The following GPATCH2 variants were observed in gnomAD, a reference collection of about 807,000 sequenced individuals.
GPATCH2 encodes the protein G patch domain-containing protein 2.
In GPATCH2, 51 loss-of-function variants were observed where a neutral mutation model predicts 58.0. The observed-to-expected ratio is 0.88, with a 90% CI of 0.70 to 1.11. The LOEUF (loss-of-function observed/expected upper bound fraction) is 1.11, where lower values mean the gene tolerates loss of function less well. GPATCH2 is among the 50% of genes most tolerant of loss of function. GPATCH2 has a pLI of 0.00. For synonymous variants in GPATCH2, 222 were observed against 218.5 expected (o/e 1.02, Z -0.14); for missense variants, 625 against 652.2 (o/e 0.96, Z 0.45).
chr1:217,507,427 G>C (rs994960154), intron 6 of GPATCH2, among the ~76,000 whole-genome samples: 2 of 152,160 alleles, frequency 1.3e-5, no homozygotes, highest in African/African-American at 4.8e-5. Flanking sequence ...AGTTCAGCCT[G>C]ATGTGGTTAC....
chr1:217,557,409 C>CAA (rs772777496), intron 5 of GPATCH2, among the ~76,000 whole-genome samples: 31 of 61,900 alleles, frequency 5.0e-4, no homozygotes, highest in Admixed American at 7.2e-4. Flanking sequence ...AACCCCATCT[C>CAA]AAAAAAAAAA....
chr1:217,609,381 T>C, intron 5 of GPATCH2: 1 of 983,754 alleles, frequency 1.0e-6, no homozygotes, highest in East Asian at 1.1e-4. Context: ...CATTAAGCTC[T>C]AAACCAAAAT....
chr1:217,610,755 A>T, intron 4 of GPATCH2, 134 bp downstream of exon 4: 1 of 612,776 alleles, frequency 1.6e-6, no homozygotes, highest in Non-Finnish European at 2.8e-6. Context: ...TAGCTATATT[A>T]GTGGCCAATA....
intron 7 of GPATCH2, among the ~76,000 whole-genome samples, chr1:217,492,290 T>G (rs543608481): frequency 2.0e-5 from 3 of 152,310 alleles, no homozygotes; most frequent in African/African-American, 7.2e-5. Context: ...TCAAAGAAAT[T>G]ATTGGCTTGG....
intron 6 of GPATCH2, among the ~76,000 whole-genome samples, chr1:217,504,534 G>C (rs907229362): frequency 9.2e-5 from 14 of 152,256 alleles, no homozygotes; most frequent in Admixed American, 7.9e-4. Flanking sequence ...TGCAGTAAAA[G>C]CACTATCACC....
At chr1:217,575,039 C>A (rs1361705897) in intron 5 of GPATCH2, among the ~76,000 whole-genome samples, 1 of 151,974 alleles carries the variant, frequency 6.6e-6, no homozygotes, top group Non-Finnish European at 1.5e-5. Context: ...TGATTTAGGT[C>A]TATGGCAACC....
At chr1:217,450,133 T>A (rs914088799) in intron 8 of GPATCH2, among the ~76,000 whole-genome samples, 1 of 152,138 alleles carries the variant, frequency 6.6e-6, no homozygotes, top group Non-Finnish European at 1.5e-5. Flanking sequence ...GTCTTCAAAC[T>A]TTTCAAGCTA....
chr1:217,557,835 G>T (rs955407322), intron 5 of GPATCH2, among the ~76,000 whole-genome samples: 3 of 152,116 alleles, frequency 2.0e-5, no homozygotes, highest in African/African-American at 7.2e-5. Context: ...TTCATAAGAT[G>T]AAATTTTGAA....
intron 9 of GPATCH2, among the ~76,000 whole-genome samples, chr1:217,432,716 A>G (rs1205388150): frequency 3.9e-5 from 6 of 152,246 alleles, no homozygotes; most frequent in African/African-American, 1.4e-4. Context: ...AAGAAAGTGA[A>G]TAACAGACAA....
intron 8 of GPATCH2, among the ~76,000 whole-genome samples, chr1:217,475,205 G>A (rs1660915199): frequency 6.6e-6 from 1 of 152,166 alleles, no homozygotes; most frequent in African/African-American, 2.4e-5. Context: ...TTGGGACTCC[G>A]AGGTGGGTGG....
chr1:217,575,033 T>G (rs1666742672), intron 5 of GPATCH2, among the ~76,000 whole-genome samples: 1 of 152,148 alleles, frequency 6.6e-6, no homozygotes, highest in African/African-American at 2.4e-5. Context: ...GAGAAGTGAT[T>G]TAGGTCTATG....
intron 9 of GPATCH2, among the ~76,000 whole-genome samples, chr1:217,446,522 G>A (rs1659393327): frequency 6.6e-6 from 1 of 152,062 alleles, no homozygotes; most frequent in African/African-American, 2.4e-5. Flanking sequence ...ATTTAAAACT[G>A]AGGACTTTAA....
chr1:217,627,656 C>G (rs1326183567), intron 1 of GPATCH2, among the ~76,000 whole-genome samples: 7 of 151,956 alleles, frequency 4.6e-5, no homozygotes, highest in Admixed American at 2.0e-4. Context: ...TAGGAACTTT[C>G]AGGAAGTTTT....
intron 5 of GPATCH2, among the ~76,000 whole-genome samples, chr1:217,573,798 T>C (rs1254173153): frequency 6.6e-6 from 1 of 152,192 alleles, no homozygotes; most frequent in South Asian, 2.1e-4. Flanking sequence ...TTAGAATTAA[T>C]TCTCAGTGTC....
chr1:217,450,415 C>T (rs1659606575), intron 8 of GPATCH2, among the ~76,000 whole-genome samples: 4 of 151,940 alleles, frequency 2.6e-5, no homozygotes, highest in African/African-American at 7.2e-5. Flanking sequence ...CACATATACT[C>T]ATATGGTTAA....
At chr1:217,621,673 GTC>G (rs1669193910) in intron 1 of GPATCH2, among the ~76,000 whole-genome samples, 4 of 152,306 alleles carry the variant, frequency 2.6e-5, no homozygotes, top group African/African-American at 9.6e-5. Flanking sequence ...CTGACCCATA[GTC>G]TATATAGTCT....
rs1343132848 is a variant in GPATCH2, at chr1:217,630,968, A to G, written c.4T>C (p.Phe2Leu). Residue 2 changes from phenylalanine (F) to leucine (L), a missense_variant, in exon 1 of 10, where the codon TTC becomes CTC. Transcript: ENST00000366935. ...ATCGGTTGGCGCCCGGCGGCCCCGAACATTAACGACACCCGGGAGCCTGGC... is the reference window on the plus strand; with the variant it reads ...ATCGGTTGGCGCCCGGCGGCCCCGAGCATTAACGACACCCGGGAGCCTGGC... M[F>L]GAAGRQPIGA... 6.3e-7 allele frequency: 1 copy of G among 1,588,368 alleles called. No homozygotes were observed. Among genetic ancestry groups the G allele is most frequent in the Non-Finnish European group, 8.5e-7 (1 of 1,172,590 alleles).
At chr1:217,517,446 A>T (rs1439579361) in intron 5 of GPATCH2, among the ~76,000 whole-genome samples, 2 of 152,154 alleles carry the variant, frequency 1.3e-5, no homozygotes, top group African/African-American at 4.8e-5. Flanking sequence ...CTAAAATTTG[A>T]GAACAATATA....
chr1:217,463,430 G>GA (rs1369579623), intron 8 of GPATCH2, among the ~76,000 whole-genome samples: 2 of 152,118 alleles, frequency 1.3e-5, no homozygotes, highest in Non-Finnish European at 2.9e-5. Flanking sequence ...ATATGAGGCT[G>GA]AAAAAATAAG....
Sources: allele counts gnomAD v4.1 joint callset (sites outside exome capture counted in the v4.1 genomes callset), GRCh38; gene constraint gnomAD v4.1.1; transcripts MANE v1.5; gene names NCBI Gene and HGNC (gene_info 2026-07-23, HGNC 2026-07-21).